The following PACRG variants were observed in gnomAD, a reference collection of about 807,000 sequenced individuals.
PACRG encodes the protein parkin coregulated gene protein.
Under a neutral mutation model 29.7 loss-of-function variants are expected in PACRG, and 29 were observed. The ratio of observed to expected loss-of-function variants is 0.98; its 90% CI spans 0.73 to 1.33. The LOEUF (loss-of-function observed/expected upper bound fraction) is 1.33, where lower values mean the gene tolerates loss of function less well. Among genes scored for constraint, PACRG ranks in the 40% most tolerant of loss-of-function variants. PACRG has a pLI of 0.00. For missense variants in PACRG, 279 were observed against 316.2 expected (o/e 0.88, Z 0.89); for synonymous variants, 116 against 118.7 (o/e 0.98, Z 0.15).
intron 4 of PACRG, among the ~76,000 whole-genome samples, chr6:163,231,112 C>T (rs1782025177): frequency 6.6e-6 from 1 of 152,216 alleles, no homozygotes; most frequent in Admixed American, 6.5e-5. Context: ...GGGGCTGCGG[C>T]TGGGAGCGGC....
At chr6:163,005,852 ATATATATACAACATAGTTATACG>A (rs1805024178) in intron 2 of PACRG, among the ~76,000 whole-genome samples, 3 of 147,202 alleles carry the variant, frequency 2.0e-5, no homozygotes, top group African/African-American at 5.0e-5. Context: ...TATACGTGTT[ATATATATACAACATAGTTATACG>A]TGTTATATAT....
intron 2 of PACRG, among the ~76,000 whole-genome samples, chr6:162,880,600 C>A (rs1457104236): frequency 6.6e-6 from 1 of 151,986 alleles, no homozygotes; most frequent in East Asian, 1.9e-4. Flanking sequence ...ATCTTTCAGG[C>A]AACACTAAGT....
chr6:162,945,810 A>G (rs1167256735), intron 2 of PACRG, among the ~76,000 whole-genome samples: 2 of 152,168 alleles, frequency 1.3e-5, no homozygotes, highest in African/African-American at 4.8e-5. Context: ...TTCTTAGACC[A>G]CAATGAAATC....
At chr6:162,764,040 G>A (rs1471214869) in intron 1 of PACRG, among the ~76,000 whole-genome samples, 1 of 152,086 alleles carries the variant, frequency 6.6e-6, no homozygotes, top group Non-Finnish European at 1.5e-5. Context: ...TTTTGGGAGG[G>A]CGATGTGGGC....
chr6:162,934,291 A>G (rs1344662336), intron 2 of PACRG, among the ~76,000 whole-genome samples: 1 of 152,130 alleles, frequency 6.6e-6, no homozygotes, highest in Non-Finnish European at 1.5e-5. Context: ...TGAAAAAAAG[A>G]GAATGAGAAC....
chr6:163,038,159 C>A (rs112747344), intron 2 of PACRG, among the ~76,000 whole-genome samples: 3 of 152,218 alleles, frequency 2.0e-5, no homozygotes, highest in African/African-American at 4.8e-5. Flanking sequence ...GTGGCAGAGG[C>A]TGGGGCAGGA....
At chr6:163,016,995 AAT>A (rs1806169806) in intron 2 of PACRG, among the ~76,000 whole-genome samples, 2 of 152,134 alleles carry the variant, frequency 1.3e-5, no homozygotes, top group South Asian at 4.1e-4. Context: ...AAAATCAGAA[AAT>A]ATATGTGATC....
chr6:162,896,980 T>C (rs1037329764), intron 2 of PACRG, among the ~76,000 whole-genome samples: 2 of 152,224 alleles, frequency 1.3e-5, no homozygotes. Context: ...AATACTTGAA[T>C]TTCTTGCTTC....
chr6:162,905,995 G>C (rs1300400288), intron 2 of PACRG, among the ~76,000 whole-genome samples: 1 of 152,086 alleles, frequency 6.6e-6, no homozygotes, highest in Non-Finnish European at 1.5e-5. Context: ...GGTTTATATG[G>C]TTTTCCTATC....
At chr6:162,739,690 A>C (rs1325911890) in intron 1 of PACRG, among the ~76,000 whole-genome samples, 1 of 151,978 alleles carries the variant, frequency 6.6e-6, no homozygotes, top group Non-Finnish European at 1.5e-5. Flanking sequence ...AAAATACAAA[A>C]AATTAGCTGC....
intron 2 of PACRG, among the ~76,000 whole-genome samples, chr6:162,933,601 CTTTTTTTT>C (rs71008119): frequency 2.7e-5 from 2 of 74,610 alleles, no homozygotes; most frequent in East Asian, 4.8e-4. Flanking sequence ...CTTTCTGTAT[CTTTTTTTT>C]TTTTTTTTTT....
At chr6:162,896,734 G>A (rs61377882) in intron 2 of PACRG, among the ~76,000 whole-genome samples, 1 of 152,216 alleles carries the variant, frequency 6.6e-6, no homozygotes, top group Non-Finnish European at 1.5e-5. Flanking sequence ...TAAGCAAGCG[G>A]TCTGTGTGTG....
chr6:162,968,395 T>C (rs1472533129), intron 2 of PACRG, among the ~76,000 whole-genome samples: 1 of 152,234 alleles, frequency 6.6e-6, no homozygotes, highest in Admixed American at 6.5e-5. Context: ...AAAATCTGTA[T>C]CTGTCTTTCT....
intron 2 of PACRG, among the ~76,000 whole-genome samples, chr6:162,819,660 G>T (rs979120454): frequency 6.6e-6 from 1 of 152,166 alleles, no homozygotes; most frequent in Non-Finnish European, 1.5e-5. Context: ...TCACAGGGCA[G>T]GTGCCCAGGG....
chr6:163,067,903 ATACT>A (rs1302012046), intron 3 of PACRG, among the ~76,000 whole-genome samples: 1 of 152,210 alleles, frequency 6.6e-6, no homozygotes, highest in African/African-American at 2.4e-5. Flanking sequence ...CTCATTTTGC[ATACT>A]TGATTTTTAT....
chr6:163,287,801 G>A (rs939908163), intron 4 of PACRG, among the ~76,000 whole-genome samples: 4 of 152,156 alleles, frequency 2.6e-5, no homozygotes, highest in African/African-American at 9.7e-5. Context: ...TGTGGCGTGC[G>A]CAGTTGGGAA....
At chr6:163,039,976 C>A (rs1808538106) in intron 2 of PACRG, among the ~76,000 whole-genome samples, 1 of 152,220 alleles carries the variant, frequency 6.6e-6, no homozygotes, top group African/African-American at 2.4e-5. Flanking sequence ...ATGTTAATAG[C>A]AAAGACAATG....
chr6:163,185,740 A>G lies in PACRG; in HGVS notation c.613+96332A>G, dbSNP rs62427646. Among the ~76,000 whole-genome samples, 200 of 152,288 alleles carry G rather than the reference A, an allele frequency of 1.3e-3. 1 individual carries two copies. The highest frequency in any genetic ancestry group is 2.6e-3 in the Non-Finnish European group (174 of 68,020). On this transcript the variant is annotated intron_variant, in intron 4 of 4. Transcript: ENST00000366888. ...CATGAACTTCACAGGGGCATAATTG[A>G]AGGCCAAAATTAAATGCTCTTTATT...
At chr6:162,842,183 G>A (rs1481344664) in intron 2 of PACRG, among the ~76,000 whole-genome samples, 1 of 149,652 alleles carries the variant, frequency 6.7e-6, no homozygotes, top group South Asian at 2.2e-4. Context: ...TCTGTCTAAT[G>A]TTGACAGTGG....
Sources: gnomAD v4.1 joint callset for allele counts (sites outside exome capture counted in the v4.1 genomes callset) on GRCh38, gnomAD v4.1.1 for gene constraint, MANE v1.5 for transcripts, NCBI Gene and HGNC (gene_info 2026-07-23, HGNC 2026-07-21) for gene names.